Variants in FGFR2 observed in about 807,000 individuals in gnomAD.
FGFR2 encodes fibroblast growth factor receptor 2.
FGFR2 carries 19 observed loss-of-function variants against 95.9 expected under a neutral mutation model. That is an observed-to-expected ratio of 0.20 (90% CI 0.14 to 0.29). FGFR2 has a LOEUF of 0.29. Among genes scored for constraint, FGFR2 ranks in the 10% least tolerant of loss-of-function variants. FGFR2 has a pLI of 1.00. For synonymous variants in FGFR2, 392 were observed against 393.3 expected (o/e 1.00, Z 0.04); for missense variants, 707 against 1,056.9 (o/e 0.67, Z 4.59).
At chr10:121,586,455 A>C (rs946115389) in intron 2 of FGFR2, among the ~76,000 whole-genome samples, 3 of 152,242 alleles carry the variant, frequency 2.0e-5, no homozygotes, top group African/African-American at 7.2e-5. Context: ...AAAGGAAAGA[A>C]TATACAACAG....
chr10:121,500,250 G>A (rs3135786), intron 11 of FGFR2, among the ~76,000 whole-genome samples: 1 of 152,184 alleles, frequency 6.6e-6, no homozygotes, highest in Non-Finnish European at 1.5e-5. Flanking sequence ...AACACAACAC[G>A]ACATTTACAT....
At chr10:121,551,269 G>T in intron 5 of FGFR2, 21 bp downstream of exon 5, 1 of 1,612,852 alleles carries the variant, frequency 6.2e-7, no homozygotes, top group Non-Finnish European at 8.5e-7. Flanking sequence ...GAAATGTGAT[G>T]TTCTGAAAGC....
chr10:121,548,358 G>A (rs926847828), intron 5 of FGFR2, among the ~76,000 whole-genome samples: 1 of 141,008 alleles, frequency 7.1e-6, no homozygotes, highest in Non-Finnish European at 1.5e-5. Flanking sequence ...ACGGCTCAGC[G>A]TGATACAACA....
At chr10:121,558,829 C>T (rs375218549) in intron 4 of FGFR2, among the ~76,000 whole-genome samples, 4 of 151,972 alleles carry the variant, frequency 2.6e-5, no homozygotes, top group East Asian at 3.9e-4. Flanking sequence ...CCTTGTGATC[C>T]GCCTGCCTCG....
intron 6 of FGFR2, among the ~76,000 whole-genome samples, chr10:121,524,973 A>G (rs960828645): frequency 6.6e-5 from 10 of 152,230 alleles, no homozygotes; most frequent in African/African-American, 2.2e-4. Flanking sequence ...CTTCTATGTG[A>G]TAACAAAAAT....
At chr10:121,583,876 C>A (rs1293002059) in intron 2 of FGFR2, among the ~76,000 whole-genome samples, 4 of 152,060 alleles carry the variant, frequency 2.6e-5, no homozygotes, top group Non-Finnish European at 5.9e-5. Context: ...GTCACTTGAT[C>A]CCCAAGAATT....
intron 4 of FGFR2, among the ~76,000 whole-genome samples, chr10:121,561,004 A>C (rs1856880089): frequency 6.6e-6 from 1 of 152,202 alleles, no homozygotes; most frequent in African/African-American, 2.4e-5. Context: ...ACAAAAAGTA[A>C]AAACTGCACC....
rs931554395 is a variant in FGFR2 at position 121,516,966 on chromosome 10, G to A, written c.1084+353C>T. Among the ~76,000 whole-genome samples, 4 of 152,156 alleles carry A rather than the reference G, an allele frequency of 2.6e-5. 1 individual carries two copies. The highest frequency in any genetic ancestry group is 5.9e-5 in the Non-Finnish European group (4 of 68,024). On this transcript the variant is annotated intron_variant, in intron 8 of 17. Transcript: ENST00000358487. ...AACACATACAGGATTTTAGCAAAAT[G>A]GAATTTGAAATGAGAATAAATTACT... is the stretch of plus-strand genomic sequence containing the variant.
rs377376249 is a variant in FGFR2 at position 121,498,357 on chromosome 10, C to G, written c.1672+138G>C. 409 of 706,494 alleles carry G rather than the reference C, an allele frequency of 5.8e-4. 1 individual carries two copies. The highest frequency in any genetic ancestry group is 5.2e-3 in the African/African-American group (298 of 57,230). The allele number at this position is 706,494 out of a possible 1,614,324, so 43.8% of individuals were successfully genotyped here. On this transcript the variant is annotated intron_variant, in intron 12 of 17. Transcript: ENST00000358487. ...TTGTGTTCATGGCTAGGAACATCTT[C>G]CAATGGGGATTTTAAAAAGAACTTT...
At chr10:121,597,158 C>A (rs555670639) in intron 1 of FGFR2, among the ~76,000 whole-genome samples, 27 of 152,328 alleles carry the variant, frequency 1.8e-4, no homozygotes, top group African/African-American at 6.5e-4. Flanking sequence ...GGTCCCCGAG[C>A]GGGCCTCCTG....
At chr10:121,486,305 C>T (rs529012313) in intron 15 of FGFR2, among the ~76,000 whole-genome samples, 98 of 152,326 alleles carry the variant, frequency 6.4e-4, no homozygotes, top group Non-Finnish European at 1.2e-3. Flanking sequence ...GGCAGAACAG[C>T]CTCTGTGCCT....
Position 121,554,860 on chromosome 10 carries a change from C to T in FGFR2, c.455-3401G>A, listed in dbSNP as rs140880017. 2.7e-3 allele frequency among the ~76,000 whole-genome samples: 413 copies of T among 152,208 alleles called. 1 individual carries two copies. Among genetic ancestry groups the T allele is most frequent in the African/African-American group, 9.2e-3 (382 of 41,512 alleles). On this transcript the variant is annotated intron_variant, in intron 4 of 17. Transcript: ENST00000358487. The stretch of plus-strand genomic sequence containing the variant: ...ACACACATGGAAATGCCAGGGCCTC[C>T]CAAGAACTGCAAAACAGCTGGAGAC...
chr10:121,538,390 A>G (rs1282617539), intron 6 of FGFR2: 3 of 842,398 alleles, frequency 3.6e-6, no homozygotes, highest in South Asian at 2.6e-5. Context: ...GGATCATGCA[A>G]AGCTCATAAA....
chr10:121,492,739 C>A (rs1846299931), intron 13 of FGFR2, among the ~76,000 whole-genome samples: 1 of 152,216 alleles, frequency 6.6e-6, no homozygotes, highest in South Asian at 2.1e-4. Context: ...CATTTTCAAA[C>A]CTATTCTGGG....
intron 5 of FGFR2, among the ~76,000 whole-genome samples, chr10:121,549,176 T>A (rs1384792299): frequency 6.6e-6 from 1 of 152,236 alleles, no homozygotes; most frequent in Non-Finnish European, 1.5e-5. Flanking sequence ...CCTCTAGATG[T>A]TAATTTCTAA....
intron 13 of FGFR2, among the ~76,000 whole-genome samples, chr10:121,495,954 C>A (rs370908196): frequency 6.6e-6 from 1 of 152,184 alleles, no homozygotes; most frequent in Non-Finnish European, 1.5e-5. Context: ...GTAAGTGGCA[C>A]GCCTGGAATG....
intron 6 of FGFR2, among the ~76,000 whole-genome samples, chr10:121,520,744 G>A (rs1850423428): frequency 5.3e-5 from 8 of 152,278 alleles, no homozygotes; most frequent in Admixed American, 5.2e-4. Flanking sequence ...CCAGGCTCAG[G>A]TGATTCTCCA....
At chr10:121,595,568 T>A (rs997832813) in intron 1 of FGFR2, among the ~76,000 whole-genome samples, 1 of 152,250 alleles carries the variant, frequency 6.6e-6, no homozygotes, top group Non-Finnish European at 1.5e-5. Flanking sequence ...AACTTTTCTT[T>A]CCTCTTAGTC....
At chr10:121,568,092 CA>C (rs1306746021) in intron 2 of FGFR2, among the ~76,000 whole-genome samples, 1 of 151,926 alleles carries the variant, frequency 6.6e-6, no homozygotes, top group African/African-American at 2.4e-5. Context: ...CTATGGAGAC[CA>C]AACAGAAAAA....
Sources: gnomAD v4.1 joint callset for allele counts (sites outside exome capture counted in the v4.1 genomes callset) on GRCh38, gnomAD v4.1.1 for gene constraint, MANE v1.5 for transcripts, NCBI Gene and HGNC (gene_info 2026-07-23, HGNC 2026-07-21) for gene names.